The following PVT1 variants were observed in gnomAD, a reference collection of about 807,000 sequenced individuals.
PVT1 encodes CXCR4/PVT1 fusion.
chr8:127,892,954 T>C (rs1255704783), intron 3 of PVT1, among the ~76,000 whole-genome samples: 1 of 152,180 alleles, frequency 6.6e-6, no homozygotes, highest in Non-Finnish European at 1.5e-5. Flanking sequence ...GCCTCACTTA[T>C]CACATGGTCC....
chr8:128,010,071 C>G (rs1449494677), intron 4 of PVT1: 4 of 152,048 alleles, frequency 2.6e-5, no homozygotes, highest in Non-Finnish European at 5.9e-5. Context: ...TTTCAGTTCT[C>G]CGGTGGAAGC....
At chr8:128,040,515 C>A (rs58191002) in intron 4 of PVT1, among the ~76,000 whole-genome samples, 2,268 of 152,272 alleles carry the variant, frequency 0.015, 68 homozygotes, top group African/African-American at 0.051. Context: ...CTGGAAAATC[C>A]TAACACATGG....
At chr8:128,071,903 C>A (rs1411092683) in intron 5 of PVT1, among the ~76,000 whole-genome samples, 1 of 152,088 alleles carries the variant, frequency 6.6e-6, no homozygotes, top group Non-Finnish European at 1.5e-5. Context: ...AATTATCAGC[C>A]ATGTGGCCTT....
chr8:127,855,156 A>G, intron 2 of PVT1: 1 of 398,620 alleles, frequency 2.5e-6, no homozygotes, highest in Middle Eastern at 6.3e-4. Flanking sequence ...TTCCCTAAGG[A>G]CCATAGCTGT....
intron 3 of PVT1, among the ~76,000 whole-genome samples, chr8:127,976,604 TATA>T (rs1816825119): frequency 1.3e-5 from 2 of 152,170 alleles, no homozygotes; most frequent in African/African-American, 4.8e-5. Context: ...GACCTATGGT[TATA>T]ATAACACCGG....
intron 5 of PVT1, among the ~76,000 whole-genome samples, chr8:128,088,494 A>T (rs1814286732): frequency 6.6e-6 from 1 of 152,206 alleles, no homozygotes; most frequent in South Asian, 2.1e-4. Context: ...ACTTTGTGCC[A>T]AGCACTGAGC....
chr8:127,853,988 G>A (rs1238975147), intron 2 of PVT1, among the ~76,000 whole-genome samples: 3 of 152,030 alleles, frequency 2.0e-5, no homozygotes, highest in East Asian at 3.9e-4. Flanking sequence ...TCTCTTCCCG[G>A]CTCCTCTGCC....
intron 3 of PVT1, among the ~76,000 whole-genome samples, chr8:127,896,940 G>A (rs1815686556): frequency 1.3e-5 from 2 of 152,112 alleles, no homozygotes; most frequent in African/African-American, 4.8e-5. Flanking sequence ...CCACCTGGGG[G>A]CTGGGCGGGC....
intron 3 of PVT1, among the ~76,000 whole-genome samples, chr8:127,908,927 CCCAGCTGCCGGGTCTTCAAAGCCTGTT>C (rs1386546133): frequency 2.0e-5 from 3 of 152,224 alleles, no homozygotes; most frequent in Admixed American, 2.0e-4. Context: ...CAGCTTTGAA[CCCAGCTGCCGGGTCTTCAAAGCCTGTT>C]CTGACTTACC....
chr8:127,982,401 A>G (rs538284334), intron 3 of PVT1, among the ~76,000 whole-genome samples: 1 of 152,314 alleles, frequency 6.6e-6, no homozygotes, highest in East Asian at 1.9e-4. Context: ...TAGCATAGTG[A>G]GCAACAGCTG....
intron 4 of PVT1, among the ~76,000 whole-genome samples, chr8:128,050,526 G>A (rs1813678285): frequency 1.3e-5 from 2 of 152,162 alleles, no homozygotes; most frequent in Admixed American, 1.3e-4. Context: ...AACACTACTT[G>A]CTTTCCTTGA....
intron 4 of PVT1, among the ~76,000 whole-genome samples, chr8:127,991,676 G>C (rs1477516285): frequency 6.6e-6 from 1 of 152,208 alleles, no homozygotes; most frequent in Non-Finnish European, 1.5e-5. Flanking sequence ...CTAGAATTCA[G>C]CTGCTGGGAG....
chr8:127,797,116 G>A (rs1814405499), intron 2 of PVT1, among the ~76,000 whole-genome samples: 1 of 152,034 alleles, frequency 6.6e-6, no homozygotes, highest in African/African-American at 2.4e-5. Flanking sequence ...AGCCTCAGGT[G>A]ATCCGCCCGC....
At chr8:127,943,617 A>G (rs1563646118) in intron 3 of PVT1, among the ~76,000 whole-genome samples, 1 of 152,150 alleles carries the variant, frequency 6.6e-6, no homozygotes, top group African/African-American at 2.4e-5. Flanking sequence ...CCCAGCTTCC[A>G]GTTGGGACAA....
At chr8:127,979,998 G>T (rs1365148815) in intron 3 of PVT1, among the ~76,000 whole-genome samples, 1 of 152,118 alleles carries the variant, frequency 6.6e-6, no homozygotes, top group East Asian at 1.9e-4. Flanking sequence ...TTCCACCTCA[G>T]CCTCCCAAGT....
chr8:127,863,118 A>AT (rs1215002870), intron 2 of PVT1, among the ~76,000 whole-genome samples: 1 of 141,302 alleles, frequency 7.1e-6, no homozygotes, highest in Non-Finnish European at 1.5e-5. Flanking sequence ...TTATTTATTT[A>AT]TTTATTTTTC....
chr8:127,837,282 C>T (rs1449454603), intron 2 of PVT1, among the ~76,000 whole-genome samples: 7 of 152,080 alleles, frequency 4.6e-5, no homozygotes, highest in South Asian at 2.1e-4. Flanking sequence ...TCTTTCTGGC[C>T]GGGCTGCAGG....
chr8:127,984,560 C>T (rs1225771028), intron 3 of PVT1, among the ~76,000 whole-genome samples: 2 of 152,226 alleles, frequency 1.3e-5, no homozygotes, highest in Non-Finnish European at 2.9e-5. Flanking sequence ...GCAGACACTG[C>T]AGTACAATAC....
chr8:127,873,479 G>A lies in PVT1; in HGVS notation n.373-17110G>A, dbSNP rs574551858. On this transcript the variant is annotated intron_variant and non_coding_transcript_variant, in intron 2 of 10. Coordinates refer to ENST00000651587, the Ensembl canonical transcript of PVT1. The stretch of plus-strand genomic sequence containing the variant: ...GCTAGCTTTCACTTTCACGTATTGA[G>A]CTAGTAGGTGGTATCAATAGTAGCT... Among the ~76,000 whole-genome samples, 9 of 152,282 alleles carry A rather than the reference G, an allele frequency of 5.9e-5. No homozygotes were observed. The South Asian group carries it at 1.9e-3, about 32-fold the overall frequency.
Sources: gnomAD v4.1 joint callset for allele counts (sites outside exome capture counted in the v4.1 genomes callset) on GRCh38, gnomAD v4.1.1 for gene constraint, MANE v1.5 for transcripts, NCBI Gene and HGNC (gene_info 2026-07-23, HGNC 2026-07-21) for gene names.